ATRNL1: variants seen among roughly 807,000 people sequenced by gnomAD.
ATRNL1 encodes the protein attractin-like protein 1.
A neutral mutation model predicts 182.7 loss-of-function variants in ATRNL1; 95 were observed. That is an observed-to-expected ratio of 0.52 (90% CI 0.44 to 0.62). The LOEUF is 0.62. Among genes scored for constraint, ATRNL1 ranks in the 20% least tolerant of loss-of-function variants. ATRNL1 has a pLI of 0.00. For synonymous variants in ATRNL1, 576 were observed against 568.3 expected (o/e 1.01, Z -0.19); for missense variants, 1,471 against 1,679.5 (o/e 0.88, Z 2.17).
intron 25 of ATRNL1, among the ~76,000 whole-genome samples, chr10:115,548,302 G>A (rs1047834390): frequency 4.6e-5 from 7 of 152,210 alleles, no homozygotes; most frequent in African/African-American, 1.4e-4. Context: ...TGTTGTTATC[G>A]TTGTCATTGA....
chr10:115,573,318 TCA>T (rs1854516523), intron 26 of ATRNL1, among the ~76,000 whole-genome samples: 1 of 152,032 alleles, frequency 6.6e-6, no homozygotes, highest in Admixed American at 6.6e-5. Context: ...TTCTCAGTGT[TCA>T]GATGTCCCTC....
chr10:115,607,592 GT>G (rs1555017929), intron 26 of ATRNL1, among the ~76,000 whole-genome samples: 1 of 151,798 alleles, frequency 6.6e-6, no homozygotes. Flanking sequence ...TGAGCTCATT[GT>G]TGTTAGTACC....
rs148626075 is a variant in ATRNL1 at position 115,430,771 on chromosome 10, G to A, written c.3322+4469G>A. ...TTTGCCCTTTATGACACATTTGATA[G>A]GGTATGGAGGCAATTTTGTTTGTCA... On this transcript the variant is annotated intron_variant, in intron 21 of 28. Coordinates refer to ENST00000355044, the MANE Select transcript of ATRNL1 (RefSeq NM_207303.4). Among the ~76,000 whole-genome samples the A allele has an allele frequency of 4.4e-3, 670 of 152,220 alleles. 7 individuals carry two copies. Among genetic ancestry groups the A allele is most frequent in the African/African-American group, 0.015 (628 of 41,532 alleles).
At chr10:115,635,620 T>G (rs2133842289) in intron 26 of ATRNL1, among the ~76,000 whole-genome samples, 1 of 152,286 alleles carries the variant, frequency 6.6e-6, no homozygotes, top group African/African-American at 2.4e-5. Flanking sequence ...CTGAGAAATT[T>G]GACTCTTAGC....
chr10:115,392,391 A>C (rs1290000688), intron 19 of ATRNL1, among the ~76,000 whole-genome samples: 2 of 152,176 alleles, frequency 1.3e-5, no homozygotes, highest in South Asian at 2.1e-4. Flanking sequence ...ACTCTTAGTT[A>C]ATATAAGGAA....
At chr10:115,670,239 A>G (rs112656791) in intron 26 of ATRNL1, among the ~76,000 whole-genome samples, 5 of 152,230 alleles carry the variant, frequency 3.3e-5, no homozygotes, top group Non-Finnish European at 5.9e-5. Context: ...AAGAGTTAAT[A>G]TATGTGTAGT....
intron 19 of ATRNL1, among the ~76,000 whole-genome samples, chr10:115,364,075 T>C (rs1856894583): frequency 6.7e-6 from 1 of 150,086 alleles, no homozygotes; most frequent in Admixed American, 6.6e-5. Context: ...GGTAGCTTGA[T>C]GGGGATGGCA....
intron 26 of ATRNL1, among the ~76,000 whole-genome samples, chr10:115,708,163 G>A (rs1946956990): frequency 1.3e-5 from 2 of 151,522 alleles, no homozygotes; most frequent in African/African-American, 4.8e-5. Flanking sequence ...TTATAAAGGT[G>A]GAAGGGATTA....
At chr10:115,536,774 A>T (rs1565144963) in intron 25 of ATRNL1, among the ~76,000 whole-genome samples, 1 of 152,196 alleles carries the variant, frequency 6.6e-6, no homozygotes, top group Non-Finnish European at 1.5e-5. Context: ...AAAATAAGAC[A>T]TTTAATCATG....
chr10:115,311,155 A>G (rs1255781198), intron 17 of ATRNL1, among the ~76,000 whole-genome samples: 7 of 150,104 alleles, frequency 4.7e-5, no homozygotes, highest in Non-Finnish European at 8.9e-5. Flanking sequence ...GTTTCATTCT[A>G]CTGTGGTCTG....
intron 19 of ATRNL1, among the ~76,000 whole-genome samples, chr10:115,386,702 T>C (rs975237079): frequency 9.2e-5 from 14 of 151,846 alleles, no homozygotes; most frequent in African/African-American, 3.1e-4. Flanking sequence ...TTAGGATACA[T>C]GTGCACAATG....
intron 28 of ATRNL1, among the ~76,000 whole-genome samples, chr10:115,936,846 A>T (rs1257720515): frequency 1.3e-5 from 2 of 152,136 alleles, no homozygotes; most frequent in African/African-American, 4.8e-5. Context: ...ACTAGAAAAT[A>T]TTTCTCCAGT....
chr10:115,820,751 A>G (rs187447857), intron 27 of ATRNL1, among the ~76,000 whole-genome samples: 54 of 152,222 alleles, frequency 3.5e-4, no homozygotes, highest in African/African-American at 1.3e-3. Context: ...ACTTGGCTCT[A>G]TCAAAGACTA....
intron 26 of ATRNL1, among the ~76,000 whole-genome samples, chr10:115,631,560 GA>G (rs1479100301): frequency 6.6e-6 from 1 of 152,058 alleles, no homozygotes; most frequent in Admixed American, 6.6e-5. Flanking sequence ...GAATAGATGG[GA>G]GAGACACTTT....
chr10:115,370,848 G>A (rs782711220), intron 19 of ATRNL1, among the ~76,000 whole-genome samples: 4 of 152,160 alleles, frequency 2.6e-5, no homozygotes, highest in Non-Finnish European at 4.4e-5. Context: ...TGTCTCCAGG[G>A]CATGTCAGGG....
At chr10:115,254,487 G>T (rs1340408058) in intron 10 of ATRNL1, among the ~76,000 whole-genome samples, 29 of 151,582 alleles carry the variant, frequency 1.9e-4, no homozygotes, top group African/African-American at 6.3e-4. Flanking sequence ...GGGGTTGTTT[G>T]TTTTTTTCTT....
intron 7 of ATRNL1, among the ~76,000 whole-genome samples, chr10:115,167,069 AATTGTGTCTGATGTAAGGGTCC>A (rs1847077762): frequency 6.6e-6 from 1 of 151,906 alleles, no homozygotes. Context: ...ATTTTGAGTT[AATTGTGTCTGATGTAAGGGTCC>A]ATTTTCATTC....
At chr10:115,240,692 C>G (rs1032537483) in intron 9 of ATRNL1, among the ~76,000 whole-genome samples, 1 of 151,934 alleles carries the variant, frequency 6.6e-6, no homozygotes, top group Non-Finnish European at 1.5e-5. Flanking sequence ...TTGTTTGTAT[C>G]AGGGCTTTAG....
intron 27 of ATRNL1, among the ~76,000 whole-genome samples, chr10:115,827,527 G>A (rs1245258872): frequency 1.3e-5 from 2 of 152,148 alleles, no homozygotes; most frequent in African/African-American, 4.8e-5. Context: ...GATATTGGTC[G>A]ATTTTAATGT....
Sources: gnomAD v4.1 joint callset for allele counts (sites outside exome capture counted in the v4.1 genomes callset) on GRCh38, gnomAD v4.1.1 for gene constraint, MANE v1.5 for transcripts, NCBI Gene and HGNC (gene_info 2026-07-23, HGNC 2026-07-21) for gene names.